The following SV2C variants were observed in gnomAD, a reference collection of about 807,000 sequenced individuals.
The protein encoded by SV2C is solute carrier family 22 member B3.
SV2C carries 49 observed loss-of-function variants against 79.7 expected under a neutral mutation model. The ratio of observed to expected loss-of-function variants is 0.61; its 90% confidence interval spans 0.49 to 0.78. The LOEUF (loss-of-function observed/expected upper bound fraction) is 0.78. Among genes scored for constraint, SV2C ranks in the 30% least tolerant of loss-of-function variants. SV2C has a pLI of 0.00. For missense variants in SV2C, 833 were observed against 912.9 expected (o/e 0.91, Z 1.13); for synonymous variants, 334 against 333.2 (o/e 1.00, Z -0.03).
chr5:76,030,304 T>C, the SV2C span, among the ~76,000 whole-genome samples: 1 of 103,870 alleles, frequency 9.6e-6, no homozygotes, highest in South Asian at 3.0e-4. Context: ...TTTATTCCTG[T>C]AAAGTTCTTT....
At chr5:75,987,221 G>A in the SV2C span, among the ~76,000 whole-genome samples, 24 of 152,070 alleles carry the variant, frequency 1.6e-4, no homozygotes, top group Non-Finnish European at 2.8e-4. Context: ...AGGCAAATTT[G>A]TTAGTTTGCA....
chr5:75,992,070 A>G, the SV2C span, among the ~76,000 whole-genome samples: 9 of 151,834 alleles, frequency 5.9e-5, no homozygotes, highest in African/African-American at 1.9e-4. Flanking sequence ...TGGGATTTCA[A>G]TTGGGTTTAT....
At chr5:75,867,079 C>G in the SV2C span, among the ~76,000 whole-genome samples, 30 of 152,220 alleles carry the variant, frequency 2.0e-4, no homozygotes, top group Non-Finnish European at 3.5e-4. Flanking sequence ...AGATATAGGC[C>G]GAGAGAGAAC....
the SV2C span, among the ~76,000 whole-genome samples, chr5:75,942,900 C>A: frequency 6.6e-6 from 1 of 152,150 alleles, no homozygotes; most frequent in African/African-American, 2.4e-5. Context: ...TGCGATAGTG[C>A]ATGTCTGTAA....
chr5:75,984,898 C>G, the SV2C span, among the ~76,000 whole-genome samples: 1 of 152,058 alleles, frequency 6.6e-6, no homozygotes, highest in African/African-American at 2.4e-5. Flanking sequence ...TTTGCTTACA[C>G]TGACTATAGG....
chr5:76,174,387 C>G (rs948838690), intron 2 of SV2C, among the ~76,000 whole-genome samples: 1 of 152,210 alleles, frequency 6.6e-6, no homozygotes, highest in African/African-American at 2.4e-5. Flanking sequence ...CCATCTGCCT[C>G]TGGTGTTTAT....
intron 2 of SV2C, among the ~76,000 whole-genome samples, chr5:76,165,284 T>C (rs1312901325): frequency 6.6e-6 from 1 of 152,244 alleles, no homozygotes; most frequent in Non-Finnish European, 1.5e-5. Context: ...GAAATTGACA[T>C]TGGTACAATA....
upstream of SV2C, chr5:76,079,139 A>G (rs1746937051): frequency 2.7e-5 from 9 of 334,354 alleles, 1 homozygote; most frequent in South Asian, 2.9e-4. Flanking sequence ...CACTAGAAGC[A>G]ATTTGGAAAT....
Position 76,098,895 on chromosome 5 carries a change from C to T in SV2C, c.-102+15383C>T, listed in dbSNP as rs188449466. Among the ~76,000 whole-genome samples, 15 of 152,276 alleles carry T rather than the reference C, an allele frequency of 9.9e-5. No individual in the cohort carries two copies. The East Asian group carries it at 2.7e-3, about 27-fold the overall frequency. On this transcript the variant is annotated intron_variant, in intron 1 of 12. Transcript: ENST00000502798. ...GGCTGACATCAGCAAAACCTGCTGG[C>T]CCTAGAAGTTGTGGAGGCATTGGAG... is the stretch of plus-strand genomic sequence containing the variant.
intron 4 of SV2C, among the ~76,000 whole-genome samples, chr5:76,234,731 C>T (rs948344970): frequency 7.9e-5 from 12 of 152,162 alleles, no homozygotes; most frequent in Admixed American, 7.9e-4. Context: ...TCATTTTCCC[C>T]TGCCTCCCTC....
chr5:76,250,204 T>G (rs993939734), intron 4 of SV2C, among the ~76,000 whole-genome samples: 15 of 151,926 alleles, frequency 9.9e-5, no homozygotes, highest in African/African-American at 3.4e-4. Context: ...GCGTCCTGCT[T>G]TTTTTAAAAT....
rs183730170 is a variant in SV2C, at chr5:76,140,614, A to G, written c.580+8284A>G. Among the ~76,000 whole-genome samples the G allele has an allele frequency of 1.6e-3, 249 of 152,214 alleles. 1 individual carries two copies. Among genetic ancestry groups the G allele is most frequent in the African/African-American group, 5.8e-3 (239 of 41,520 alleles). On this transcript the variant is annotated intron_variant, in intron 2 of 12. Transcript: ENST00000502798. Reference sequence around the variant, plus strand: ...AACCAATCTTTTTAGAGTGTGTCTAACCCCTGCTCAGTGCTGCCAGGTAGA... The same window carrying G: ...AACCAATCTTTTTAGAGTGTGTCTAGCCCCTGCTCAGTGCTGCCAGGTAGA...
intron 4 of SV2C, among the ~76,000 whole-genome samples, chr5:76,227,718 A>C (rs1188303177): frequency 6.6e-6 from 1 of 152,204 alleles, no homozygotes; most frequent in Non-Finnish European, 1.5e-5. Flanking sequence ...CAGGGGTGTC[A>C]GTCCCCTCCA....
intron 4 of SV2C, among the ~76,000 whole-genome samples, chr5:76,246,985 G>A (rs904310718): frequency 1.3e-5 from 2 of 152,166 alleles, no homozygotes; most frequent in Non-Finnish European, 2.9e-5. Context: ...TGGCATCTTT[G>A]CTTTTCCTCT....
the SV2C span, chr5:75,911,688 G>C: frequency 1.5e-6 from 1 of 669,566 alleles, no homozygotes; most frequent in Non-Finnish European, 2.9e-6. Context: ...TGACATCTCA[G>C]ATTGCTTCAG....
chr5:76,339,722 A>G (rs909771965), intron 12 of SV2C, among the ~76,000 whole-genome samples: 67 of 152,080 alleles, frequency 4.4e-4, no homozygotes, highest in Non-Finnish European at 6.6e-4. Context: ...TCAAAAAAAA[A>G]AAAAAAGAAA....
the SV2C span, among the ~76,000 whole-genome samples, chr5:75,993,858 G>A: frequency 2.6e-5 from 4 of 152,006 alleles, no homozygotes; most frequent in Non-Finnish European, 5.9e-5. Context: ...ATTCTCTCAG[G>A]CTAATGGGTT....
intron 12 of SV2C, among the ~76,000 whole-genome samples, chr5:76,315,188 G>GCACA (rs10606819): frequency 0.044 from 6,338 of 145,146 alleles, 164 homozygotes; most frequent in Middle Eastern, 0.079. Context: ...ATGGCCAGGC[G>GCACA]CACACACACA....
At chr5:76,271,209 C>T (rs1746840970) in intron 4 of SV2C, among the ~76,000 whole-genome samples, 2 of 152,210 alleles carry the variant, frequency 1.3e-5, no homozygotes, top group Non-Finnish European at 2.9e-5. Flanking sequence ...GTTTCTTCCT[C>T]CTCAATCCCA....
Sources: gnomAD v4.1 joint callset for allele counts (sites outside exome capture counted in the v4.1 genomes callset) on GRCh38, gnomAD v4.1.1 for gene constraint, MANE v1.5 for transcripts, NCBI Gene and HGNC (gene_info 2026-07-23, HGNC 2026-07-21) for gene names.